The following SCN10A variants were observed in gnomAD, a reference collection of about 807,000 sequenced individuals.
SCN10A encodes the protein sodium channel protein type 10 subunit alpha.
In SCN10A, 162 loss-of-function variants were observed where a neutral mutation model predicts 170.7. The ratio of observed to expected loss-of-function variants is 0.95; its 90% CI spans 0.84 to 1.08. The LOEUF (loss-of-function observed/expected upper bound fraction) is 1.08. Ranked by LOEUF, SCN10A falls within the 50% of genes least tolerant of loss-of-function variation. The pLI is 0.00. For missense variants in SCN10A, 2,527 were observed against 2,436.9 expected, an observed-to-expected ratio of 1.04 and a Z score of -0.78; for synonymous variants, 985 against 904.6, an observed-to-expected ratio of 1.09 and a Z score of -1.59.
At chr3:38,794,860 T>C (rs751327608) in intron 1 of SCN10A, among the ~76,000 whole-genome samples, 3 of 152,118 alleles carry the variant, frequency 2.0e-5, no homozygotes, top group Non-Finnish European at 2.9e-5. Flanking sequence ...ATTTCCTAGT[T>C]CATGGAGAAA....
intron 1 of SCN10A, among the ~76,000 whole-genome samples, 191 bp downstream of exon 1, chr3:38,815,846 G>A (rs2064472717): frequency 6.6e-6 from 1 of 152,224 alleles, no homozygotes; most frequent in Admixed American, 6.5e-5. Context: ...TGCAGTGGGA[G>A]TCTTCTATGC....
chr3:38,707,187 C>A (rs891772229), intron 26 of SCN10A, 92 bp downstream of exon 26: 6 of 1,308,786 alleles, frequency 4.6e-6, no homozygotes, highest in Non-Finnish European at 6.4e-6. Context: ...CTTCCATAAA[C>A]AGCACTCCCT....
At position 38,723,407 on chromosome 3, in the gene SCN10A, G is replaced by A. The variant is rs781427492; in HGVS notation, c.3352+23C>T. 9.3e-6 allele frequency: 15 copies of A among 1,613,794 alleles called. No homozygotes were observed. The African/African-American group carries it at 1.6e-4, about 17-fold the overall frequency. ...TGGCCCTAATTAACATCAGTGTGAG[G>A]GGGCCTGTGGCTGTCCCTTCACCTT... On this transcript the variant is annotated intron_variant, in intron 19 of 27. Transcript: ENST00000449082.
In SCN10A at chr3:38,745,055, C is replaced by T. The variant is rs967697130; in HGVS notation, c.1868-2526G>A. ...GACCTATTTTGGCACTAAAAAGAAG[C>T]ACAGGAAGTAGTCATGAATGAGGAC... is the stretch of plus-strand genomic sequence containing the variant. On this transcript the variant is annotated intron_variant, in intron 13 of 27. Coordinates refer to ENST00000449082, the MANE Select transcript of SCN10A (RefSeq NM_006514.4). Among the ~76,000 whole-genome samples, 6 of 152,166 alleles carry T rather than the reference C, an allele frequency of 3.9e-5. No homozygotes were observed. In the South Asian group the frequency reaches 6.3e-4, roughly 16 times the overall value.
intron 15 of SCN10A, among the ~76,000 whole-genome samples, chr3:38,738,855 C>T (rs1401924044): frequency 3.9e-5 from 6 of 152,174 alleles, no homozygotes; most frequent in African/African-American, 1.4e-4. Flanking sequence ...CGTCCTGGAG[C>T]TGAGTTTAGA....
intron 4 of SCN10A, among the ~76,000 whole-genome samples, chr3:38,785,407 G>A (rs1267323758): frequency 6.6e-6 from 1 of 152,186 alleles, no homozygotes; most frequent in Non-Finnish European, 1.5e-5. Flanking sequence ...AATAAATGGT[G>A]TGGGGAAAAC....
At chr3:38,749,011 G>A (rs1575997099) in intron 13 of SCN10A, among the ~76,000 whole-genome samples, 1 of 152,192 alleles carries the variant, frequency 6.6e-6, no homozygotes, top group Admixed American at 6.5e-5. Context: ...CCAGCTGTGA[G>A]CAAAACAGAT....
chr3:38,699,867 G>A (rs1001358617), intron 27 of SCN10A, among the ~76,000 whole-genome samples: 47 of 152,286 alleles, frequency 3.1e-4, no homozygotes, highest in African/African-American at 1.1e-3. Context: ...GGGAGGTAAG[G>A]AGAGAGGGTA....
Position 38,792,127 on chromosome 3 carries a change from A to C in SCN10A, c.312T>G (p.Phe104Leu). ...VLNKGRTISR[F>L]SATRALWLFS... ...ATAGCCACAGGGCCCGAGTGGCACT[A>C]AACCGGGAAATGGTCCTCCCTTTGT... The change falls in exon 3 of 28, where the codon TTT (phenylalanine) becomes TTG (leucine). Residue 104 changes from phenylalanine to leucine, a missense_variant. Phe to Leu is a conservative substitution (Grantham distance 22). Transcript: ENST00000449082. The C allele has an allele frequency of 6.2e-7, 1 of 1,613,900 alleles. No individual in the cohort carries two copies. The highest frequency in any genetic ancestry group is 1.1e-5 in the South Asian group (1 of 91,078).
chr3:38,807,285 G>A (rs1031341576), intron 1 of SCN10A, among the ~76,000 whole-genome samples: 7 of 152,134 alleles, frequency 4.6e-5, no homozygotes, highest in South Asian at 2.1e-4. Context: ...ACTGATTAAG[G>A]TTTTCTAGGG....
intron 18 of SCN10A, 116 bp from the exon 19 acceptor site, chr3:38,723,669 G>A (rs933598010): frequency 1.6e-6 from 2 of 1,231,098 alleles, no homozygotes; most frequent in South Asian, 1.5e-5. Context: ...GCTGAGGCCT[G>A]GAACACTGCT....
chr3:38,776,533 G>A (rs1464580531), intron 4 of SCN10A, among the ~76,000 whole-genome samples: 1 of 152,112 alleles, frequency 6.6e-6, no homozygotes, highest in Non-Finnish European at 1.5e-5. Flanking sequence ...TAACCATTAT[G>A]AATGAAATCA....
At chr3:38,795,732 C>A (rs1161432087) in intron 1 of SCN10A, among the ~76,000 whole-genome samples, 4 of 152,120 alleles carry the variant, frequency 2.6e-5, no homozygotes, top group Non-Finnish European at 1.5e-5. Context: ...GGCACTCTAT[C>A]TTTTGTTTTC....
At chr3:38,780,358 C>T (rs888180292) in intron 4 of SCN10A, among the ~76,000 whole-genome samples, 2 of 151,936 alleles carry the variant, frequency 1.3e-5, no homozygotes, top group African/African-American at 2.4e-5. Context: ...CTTTCTGTAT[C>T]ACCGTGAGGA....
intron 12 of SCN10A, among the ~76,000 whole-genome samples, chr3:38,751,442 T>C (rs1254797422): frequency 6.6e-6 from 1 of 152,226 alleles, no homozygotes; most frequent in Non-Finnish European, 1.5e-5. Flanking sequence ...CTGAATCACA[T>C]GACATTGAGT....
chr3:38,738,056 T>C (rs1332793971), intron 15 of SCN10A, among the ~76,000 whole-genome samples: 1 of 151,796 alleles, frequency 6.6e-6, no homozygotes, highest in Non-Finnish European at 1.5e-5. Flanking sequence ...TCCTCCCACC[T>C]CAGTCTTCTG....
rs748971093 is a variant in SCN10A, at chr3:38,728,623, G to A, written c.2559C>T (p.Asn853=). 9 of 1,613,682 alleles carry A rather than the reference G, an allele frequency of 5.6e-6. No homozygotes were observed. The highest frequency in any genetic ancestry group is 7.6e-6 in the Non-Finnish European group (9 of 1,179,706). The part of the protein sequence containing the change: ...FRILCGEWIE[N]MWACMEVGQK... The stretch of plus-strand genomic sequence containing the variant: ...GGCCAACTTCCATGCAGGCCCACAT[G>A]TTCTCAATCCACTCTCCACAGAGGA... Residue 853 remains asparagine, a synonymous_variant, in exon 16 of 28, where the codon AAC becomes AAT. Coordinates refer to ENST00000449082, the MANE Select transcript of SCN10A (RefSeq NM_006514.4).
At chr3:38,743,910 A>T (rs1025269296) in intron 13 of SCN10A, among the ~76,000 whole-genome samples, 61 of 152,108 alleles carry the variant, frequency 4.0e-4, no homozygotes, top group Non-Finnish European at 6.6e-4. Flanking sequence ...CCTCCGTTAA[A>T]TCTCCATGTG....
Position 38,745,090 on chromosome 3 carries a change from G to T in SCN10A, c.1868-2561C>A, listed in dbSNP as rs74341073. On this transcript the variant is annotated intron_variant, in intron 13 of 27. Coordinates refer to ENST00000449082, the MANE Select transcript of SCN10A (RefSeq NM_006514.4). ...AGTCATGAATGAGGACACTTTAGAT[G>T]TGCCATTTTGGCAGGAAGCAGCCAC... Among the ~76,000 whole-genome samples, 1,138 of 152,304 alleles carry T rather than the reference G, an allele frequency of 7.5e-3. 9 individuals carry two copies. Among genetic ancestry groups the T allele is most frequent in the Middle Eastern group, 0.014 (4 of 294 alleles).
Sources: allele counts gnomAD v4.1 joint callset (sites outside exome capture counted in the v4.1 genomes callset), GRCh38; gene constraint gnomAD v4.1.1; transcripts MANE v1.5; gene names NCBI Gene and HGNC (gene_info 2026-07-23, HGNC 2026-07-21).